GAGE13: variants seen among roughly 807,000 people sequenced by gnomAD.
The protein encoded by GAGE13 is G antigen 13, also known as G antigen 12A.
intron 4 of GAGE13, among the ~76,000 whole-genome samples, chrX:49,337,766 C>T (rs1287222230): frequency 5.3e-5 from 3 of 56,298 alleles, no homozygotes; most frequent in Admixed American, 5.2e-4. Context: ...TGGTGCGCTG[C>T]ACCCACTATC....
rs1355359977 is a variant in GAGE13, at chrX:49,331,621, G to A, written c.-77G>A. On this transcript the variant is annotated 5_prime_UTR_variant, in exon 1 of 5. Transcript: ENST00000612958. ...CCCTTCGCCCACGTGAAGAACGCCAGGGAGCTGTGAGGCAGTGCTGTGTGG... is the reference window on the plus strand; with the variant it reads ...CCCTTCGCCCACGTGAAGAACGCCAAGGAGCTGTGAGGCAGTGCTGTGTGG... 1 of 56,094 alleles carries A rather than the reference G, an allele frequency of 1.8e-5. No individual in the cohort carries two copies. Among genetic ancestry groups the A allele is most frequent in the Non-Finnish European group, 5.2e-5 (1 of 19,267 alleles). 4.6% of individuals were successfully genotyped at this position (56,094 alleles called of 1,213,427 possible). A position where few individuals can be genotyped will look rare whatever the true frequency, so the allele number is the denominator to read the frequency against.
chrX:49,331,928 C>A (rs1272429352), intron 1 of GAGE13, among the ~76,000 whole-genome samples: 1 of 79,662 alleles, frequency 1.3e-5, no homozygotes, highest in Non-Finnish European at 3.2e-5. Context: ...CAGGTGAAGA[C>A]GGGGTGAGTG....
chrX:49,335,348 TAC>T (rs2066481545), intron 3 of GAGE13, among the ~76,000 whole-genome samples: 1 of 107,726 alleles, frequency 9.3e-6, no homozygotes, highest in South Asian at 4.1e-4. Context: ...AGTCATTTAA[TAC>T]AGAGTGCATA....
At chrX:49,335,277 C>G (rs1267050634) in intron 3 of GAGE13, among the ~76,000 whole-genome samples, 1 of 104,590 alleles carries the variant, frequency 9.6e-6, no homozygotes, top group Non-Finnish European at 2.0e-5. Context: ...AAGAGAAAGT[C>G]ATTTCTTGGA....
chrX:49,335,202 G>A (rs1384171160), intron 3 of GAGE13, among the ~76,000 whole-genome samples: 2 of 107,329 alleles, frequency 1.9e-5, no homozygotes, highest in Admixed American at 9.9e-5. Context: ...GAATTGTCTC[G>A]ATAAAGTTTC....
intron 3 of GAGE13, among the ~76,000 whole-genome samples, chrX:49,335,491 C>T (rs1483328136): frequency 9.3e-6 from 1 of 107,345 alleles, no homozygotes; most frequent in African/African-American, 3.2e-5. Context: ...CCACACCTCC[C>T]AGGTTCTAGG....
chrX:49,333,445 C>CGT (rs2066474770), intron 3 of GAGE13, 38 bp downstream of exon 3: 9 of 491,477 alleles, frequency 1.8e-5, no homozygotes, highest in Non-Finnish European at 2.8e-5. Flanking sequence ...CTGGTGTGTG[C>CGT]GTGTGTGTGT....
chrX:49,335,153 A>C (rs1334222702), intron 3 of GAGE13, among the ~76,000 whole-genome samples: 1 of 7,896 alleles, frequency 1.3e-4, no homozygotes, highest in Non-Finnish European at 2.9e-4. Context: ...ACACACACAC[A>C]CACATACATA....
intron 1 of GAGE13, among the ~76,000 whole-genome samples, chrX:49,332,106 G>A (rs1232531577): frequency 1.2e-5 from 1 of 80,995 alleles, no homozygotes; most frequent in Non-Finnish European, 3.1e-5. Context: ...AGTGCGGAGC[G>A]CCCGAGTGAG....
intron 3 of GAGE13, among the ~76,000 whole-genome samples, chrX:49,335,105 T>A (rs1389301794): frequency 3.7e-5 from 3 of 80,209 alleles, no homozygotes; most frequent in Non-Finnish European, 7.7e-5. Context: ...TCACATCTCT[T>A]CCCTCCGTCT....
intron 4 of GAGE13, among the ~76,000 whole-genome samples, chrX:49,337,697 G>A (rs1179174209): frequency 1.7e-5 from 1 of 58,672 alleles, no homozygotes; most frequent in Non-Finnish European, 3.8e-5. Context: ...TATACTTTAA[G>A]TTTTAGGGTA....
chrX:49,335,133 A>G (rs1165970511), intron 3 of GAGE13, among the ~76,000 whole-genome samples: 4 of 9,909 alleles, frequency 4.0e-4, no homozygotes, highest in South Asian at 0.012. Context: ...TGCTGCCCAC[A>G]CACTCACACA....
In GAGE13 at chrX:49,332,027, C is replaced by T. The variant is rs1484711709; in HGVS notation, c.-9+338C>T. 2.0e-4 allele frequency among the ~76,000 whole-genome samples: 16 copies of T among 80,376 alleles called. No individual in the cohort carries two copies. In the South Asian group the frequency reaches 3.3e-3, roughly 17 times the overall value. 69.8% of individuals were successfully genotyped at this position (80,376 alleles called of 115,157 possible). ...AATGGGGTCCCCGGCGGGGGCGAGG[C>T]GGGCGGTGAAGAAGGGGCCTGGCAC... On this transcript the variant is annotated intron_variant, in intron 1 of 4. Transcript: ENST00000612958.
At chrX:49,337,710 T>C (rs1283032156) in intron 4 of GAGE13, among the ~76,000 whole-genome samples, 1 of 62,427 alleles carries the variant, frequency 1.6e-5, no homozygotes, top group African/African-American at 5.0e-5. Flanking sequence ...TTAGGGTACA[T>C]GTGCACGTTG....
At chrX:49,335,477 C>T (rs1408923744) in intron 3 of GAGE13, among the ~76,000 whole-genome samples, 2 of 108,605 alleles carry the variant, frequency 1.8e-5, no homozygotes, top group African/African-American at 3.2e-5. Context: ...CGGCTCACTG[C>T]AACCCACACC....
intron 1 of GAGE13, among the ~76,000 whole-genome samples, 192 bp downstream of exon 1, chrX:49,331,881 A>T (rs2066464612): frequency 1.3e-5 from 1 of 77,870 alleles, no homozygotes; most frequent in South Asian, 6.8e-4. Context: ...CTGGACGGGG[A>T]GGAAGGTGGG....
chrX:49,333,038 T>A (rs2066471790), intron 2 of GAGE13, among the ~76,000 whole-genome samples: 1 of 79,641 alleles, frequency 1.3e-5, no homozygotes, highest in Non-Finnish European at 3.2e-5. Flanking sequence ...GCTTTGTTTG[T>A]TAATGACAGA....
intron 4 of GAGE13, among the ~76,000 whole-genome samples, chrX:49,337,740 T>A (rs1159228658): frequency 3.3e-5 from 2 of 61,081 alleles, no homozygotes; most frequent in Non-Finnish European, 7.2e-5. Context: ...GTTACATATG[T>A]ATACATGTGC....
At chrX:49,332,153 C>T (rs1164841918) in intron 1 of GAGE13, among the ~76,000 whole-genome samples, 5 of 80,939 alleles carry the variant, frequency 6.2e-5, no homozygotes, top group Non-Finnish European at 9.4e-5. Flanking sequence ...ATGGAAGGTC[C>T]GAAAACAGTG....
Sources: gnomAD v4.1 joint callset for allele counts (sites outside exome capture counted in the v4.1 genomes callset) on GRCh38, gnomAD v4.1.1 for gene constraint, MANE v1.5 for transcripts, NCBI Gene and HGNC (gene_info 2026-07-23, HGNC 2026-07-21) for gene names.